The following TBCE variants were observed in gnomAD, a reference collection of about 807,000 sequenced individuals.
TBCE encodes the protein tubulin folding cofactor E.
TBCE carries 53 observed loss-of-function variants against 77.0 expected under a neutral mutation model. That is an observed-to-expected ratio of 0.69 (90% CI 0.55 to 0.87). TBCE has a LOEUF of 0.87. Among genes scored for constraint, TBCE ranks in the 40% least tolerant of loss-of-function variants. The pLI is 0.00. For missense variants in TBCE, 624 were observed against 622.4 expected (o/e 1.00, Z -0.03); for synonymous variants, 235 against 241.3 (o/e 0.97, Z 0.24).
At chr1:235,409,892 T>C (rs1679678924) in intron 3 of TBCE, among the ~76,000 whole-genome samples, 1 of 88,276 alleles carries the variant, frequency 1.1e-5, no homozygotes, top group Non-Finnish European at 2.2e-5. Context: ...TAGCCAGGCG[T>C]GGTGGCGGGT....
At position 235,436,507 on chromosome 1, in the gene TBCE, T is replaced by A. The variant is rs115489837; in HGVS notation, c.899-37T>A. On this transcript the variant is annotated intron_variant, in intron 10 of 16. Transcript: ENST00000642610. ...CCCCCACACTATACTTCAGCTACTT[T>A]CACTTCTACTGTGTAACTTCATTCC... 4.4e-4 allele frequency: 716 copies of A among 1,612,224 alleles called. 4 individuals are homozygous for A. The African/African-American group carries it at 8.2e-3, about 18-fold the overall frequency.
chr1:235,421,109 G>A (rs1680376317), intron 5 of TBCE, among the ~76,000 whole-genome samples: 1 of 152,190 alleles, frequency 6.6e-6, no homozygotes, highest in Non-Finnish European at 1.5e-5. Flanking sequence ...TTGGAGGTAG[G>A]TTAAAAGAAA....
At chr1:235,448,246 A>C in intron 15 of TBCE, 103 bp from the exon 16 acceptor site, 1 of 831,440 alleles carries the variant, frequency 1.2e-6, no homozygotes, top group Non-Finnish European at 2.1e-6. Flanking sequence ...AAAAAGACAG[A>C]TACAGCTATC....
In TBCE at chr1:235,421,320, T is replaced by C. The variant is rs200272976; in HGVS notation, c.460+1759T>C. ...ATCTCAGCTACTCGGGAGGCTGAGG[T>C]GGGAGGACTGCTTGAGCCCAGGAGT... On this transcript the variant is annotated intron_variant, in intron 5 of 16. Transcript: ENST00000642610. 4.6e-5 allele frequency among the ~76,000 whole-genome samples: 7 copies of C among 151,712 alleles called. No homozygotes were observed. The East Asian group carries it at 1.4e-3, about 29-fold the overall frequency.
chr1:235,373,390 A>G (rs1414358765), intron 1 of TBCE, among the ~76,000 whole-genome samples: 2 of 152,112 alleles, frequency 1.3e-5, no homozygotes, highest in Non-Finnish European at 2.9e-5. Context: ...CAACCTTAAT[A>G]GTAAGCAACA....
At chr1:235,424,322 CTTTTTTTTT>C (rs1160280902) in intron 5 of TBCE, among the ~76,000 whole-genome samples, 1 of 123,782 alleles carries the variant, frequency 8.1e-6, no homozygotes, top group Non-Finnish European at 1.7e-5. Context: ...TCTTAGAGCT[CTTTTTTTTT>C]TTTTTTTTTT....
intron 2 of TBCE, among the ~76,000 whole-genome samples, chr1:235,385,442 G>A (rs889733578): frequency 9.2e-5 from 14 of 151,976 alleles, no homozygotes; most frequent in African/African-American, 2.9e-4. Context: ...TTATCATTGT[G>A]TGGGAGTCTA....
Position 235,438,770 on chromosome 1 carries a change from T to C in TBCE, c.1118T>C (p.Ile373Thr). The change falls in exon 13 of 17, where the codon ATT becomes ACT. Residue 373 changes from isoleucine to threonine, a missense_variant and splice_region_variant. Ile to Thr is a moderately conservative substitution (Grantham distance 89, BLOSUM62 -1). Transcript: ENST00000642610. ...TGTTTTTATGTCACATGAACATAGA[T>C]TCTCCCCGAGGAGAGGCGGAGAGCT... ...GQLKTLNKCE[I>T]LPEERRRAEL... is the part of the protein sequence containing the mutation. 6.2e-7 allele frequency: 1 copy of C among 1,614,146 alleles called. No individual in the cohort carries two copies. The highest frequency in any genetic ancestry group is 8.5e-7 in the Non-Finnish European group (1 of 1,180,028).
chr1:235,441,979 T>A, intron 14 of TBCE, 97 bp downstream of exon 14: 2 of 1,016,262 alleles, frequency 2.0e-6, no homozygotes, highest in Non-Finnish European at 3.0e-6. Flanking sequence ...CTTAAGTACC[T>A]AAGTAAATGC....
chr1:235,449,984 AATAG>A lies in TBCE; in HGVS notation c.*1226_*1229del, dbSNP rs1682793195. The stretch of plus-strand genomic sequence containing the variant: ...CTTGGTATTTTTCTGATAATCTTCC[AATAG>A]ATAAATAAAAACTTTTCTTATGCTA... On this transcript the variant is annotated 3_prime_UTR_variant, in exon 17 of 17. Coordinates refer to ENST00000642610, the MANE Select transcript of TBCE (RefSeq NM_003193.5). 1 of 408,504 alleles carries A rather than the reference AATAG, an allele frequency of 2.4e-6. No individual in the cohort carries two copies. The highest frequency in any genetic ancestry group is 4.3e-6 in the Non-Finnish European group (1 of 232,390). The allele number at this position is 408,504 out of a possible 1,614,324, so 25.3% of individuals were successfully genotyped here. A position where few individuals can be genotyped will look rare whatever the true frequency, so the allele number is the denominator to read the frequency against.
intron 6 of TBCE, chr1:235,428,980 T>C (rs1229931816): frequency 9.9e-6 from 1 of 101,216 alleles, no homozygotes; most frequent in African/African-American, 5.7e-5. Flanking sequence ...TATATATATA[T>C]ATATATTTTT....
chr1:235,370,681 A>G (rs114693506), intron 1 of TBCE, among the ~76,000 whole-genome samples: 333 of 151,050 alleles, frequency 2.2e-3, no homozygotes, highest in African/African-American at 8.0e-3. Flanking sequence ...GATTGAATGA[A>G]TTTGGGGTTT....
chr1:235,432,784 G>A (rs962901061), intron 7 of TBCE, among the ~76,000 whole-genome samples: 4 of 151,886 alleles, frequency 2.6e-5, no homozygotes, highest in East Asian at 3.9e-4. Flanking sequence ...CACTTTGAGA[G>A]GCCCAGGCAG....
intron 1 of TBCE, among the ~76,000 whole-genome samples, chr1:235,369,137 T>C (rs1309565944): frequency 1.3e-5 from 2 of 152,102 alleles, no homozygotes; most frequent in Non-Finnish European, 2.9e-5. Context: ...AGTATCTCGG[T>C]TGATCCTTTA....
chr1:235,415,316 A>C (rs1680049809), intron 4 of TBCE: 1 of 152,492 alleles, frequency 6.6e-6, no homozygotes, highest in South Asian at 2.1e-4. Flanking sequence ...CTGCACAAGA[A>C]CATTCTCTTT....
At chr1:235,437,206 G>A (rs1210675590) in intron 11 of TBCE, 116 bp from the exon 12 acceptor site, 1 of 1,292,360 alleles carries the variant, frequency 7.7e-7, no homozygotes, top group Non-Finnish European at 1.1e-6. Flanking sequence ...AGTGCATGAT[G>A]AAATTCCCTG....
At chr1:235,392,703 G>A (rs965375065) in intron 2 of TBCE, among the ~76,000 whole-genome samples, 1 of 151,730 alleles carries the variant, frequency 6.6e-6, no homozygotes, top group South Asian at 2.1e-4. Context: ...GAGCCACCAC[G>A]CCTGGCCCAG....
At chr1:235,387,062 C>A (rs1678054098) in intron 2 of TBCE, among the ~76,000 whole-genome samples, 1 of 152,206 alleles carries the variant, frequency 6.6e-6, no homozygotes, top group Non-Finnish European at 1.5e-5. Flanking sequence ...GCTAGAGGTC[C>A]ACTCCAGACC....
At chr1:235,417,798 CAG>C (rs1680185909) in intron 4 of TBCE, among the ~76,000 whole-genome samples, 1 of 152,054 alleles carries the variant, frequency 6.6e-6, no homozygotes, top group Non-Finnish European at 1.5e-5. Flanking sequence ...TGTTTTGAGA[CAG>C]AGTTTCACTC....
Sources: allele counts gnomAD v4.1 joint callset (sites outside exome capture counted in the v4.1 genomes callset), GRCh38; gene constraint gnomAD v4.1.1; transcripts MANE v1.5; gene names NCBI Gene and HGNC (gene_info 2026-07-23, HGNC 2026-07-21).